The following PRR9 variants were observed in gnomAD, a reference collection of about 807,000 sequenced individuals.
The protein encoded by PRR9 is proline rich 9.
Under a neutral mutation model 2.6 loss-of-function variants are expected in PRR9, and 3 were observed. The ratio of observed to expected loss-of-function variants is 1.15; its 90% CI spans 0.53 to 2.98. The LOEUF is 2.98. Among genes scored for constraint, PRR9 ranks in the 30% most tolerant of loss-of-function variants. PRR9 has a pLI of 0.03. For synonymous variants in PRR9, 48 were observed against 50.4 expected (o/e 0.95, Z 0.20); for missense variants, 141 against 132.0 (o/e 1.07, Z -0.33).
chr1:153,217,785 A>T (rs1446924818), intron 1 of PRR9, among the ~76,000 whole-genome samples, 166 bp downstream of exon 1: 1 of 152,152 alleles, frequency 6.6e-6, no homozygotes, highest in Non-Finnish European at 1.5e-5. Context: ...GAATTTGCCT[A>T]TCTAGTCTAG....
At position 153,218,484 on chromosome 1, in the gene PRR9, A is replaced by G. The variant is rs1657972811; in HGVS notation, c.340A>G (p.Lys114Glu). ...CCAGGAGAAGTGCTCATCCCCTGGCAAGGGAAAGTAGCTGCTCATATGTCA... is the reference window on the plus strand; with the variant it reads ...CCAGGAGAAGTGCTCATCCCCTGGCGAGGGAAAGTAGCTGCTCATATGTCA... The part of the protein sequence containing the change: ...KVQEKCSSPG[K>E]GK The change falls in exon 2 of 2, where the codon AAG becomes GAG. Residue 114 changes from lysine to glutamate, a missense_variant. Physicochemically the swap from Lys to Glu is moderately conservative, Grantham distance 56. Coordinates refer to ENST00000368744, the MANE Select transcript of PRR9 (RefSeq NM_001195571.2). The G allele has an allele frequency of 6.5e-7, 1 of 1,549,438 alleles. No homozygotes were observed. The highest frequency in any genetic ancestry group is 2.0e-5 in the Admixed American group (1 of 50,948).
At position 153,218,639 on chromosome 1, in the gene PRR9, T is replaced by C. The variant is rs1242297593; in HGVS notation, c.*144T>C. 21 of 632,412 alleles carry C rather than the reference T, an allele frequency of 3.3e-5. No homozygotes were observed. Among genetic ancestry groups the C allele is most frequent in the Admixed American group, 2.9e-5 (1 of 34,210 alleles). The allele number at this position is 632,412 out of a possible 1,614,324, so 39.2% of individuals were successfully genotyped here. A position where few individuals can be genotyped will look rare whatever the true frequency, so the allele number is the denominator to read the frequency against. On this transcript the variant is annotated 3_prime_UTR_variant, in exon 2 of 2. Coordinates refer to ENST00000368744, the MANE Select transcript of PRR9 (RefSeq NM_001195571.2). ...CTGGCTTCCTTAGCATTCCAGGACT[T>C]GGTCTGTGTCTCTGAAGACAGTTCT...
chr1:153,217,983 A>G, intron 1 of PRR9, 142 bp from the exon 2 acceptor site: 1 of 636,644 alleles, frequency 1.6e-6, no homozygotes, highest in Non-Finnish European at 2.7e-6. Flanking sequence ...AGCAGCCAAG[A>G]AATTAGTTCT....
Position 153,218,486 on chromosome 1 carries a change from G to T in PRR9, c.342G>T (p.Lys114Asn). ...KVQEKCSSPG[K>N]GK Reference sequence around the variant, plus strand: ...AGGAGAAGTGCTCATCCCCTGGCAAGGGAAAGTAGCTGCTCATATGTCATC... The same window carrying T: ...AGGAGAAGTGCTCATCCCCTGGCAATGGAAAGTAGCTGCTCATATGTCATC... Residue 114 changes from lysine (K) to asparagine (N), a missense_variant, in exon 2 of 2, where the codon AAG becomes AAT. Transcript: ENST00000368744. 6.5e-7 allele frequency: 1 copy of T among 1,549,510 alleles called. No individual in the cohort carries two copies. Among genetic ancestry groups the T allele is most frequent in the Non-Finnish European group, 8.7e-7 (1 of 1,146,296 alleles).
Position 153,218,767 on chromosome 1 carries a change from C to G in PRR9, c.*272C>G, listed in dbSNP as rs76356890. The G allele has an allele frequency of 4.4e-3, 1,653 of 376,216 alleles. 22 individuals are homozygous for G. Among genetic ancestry groups the G allele is most frequent in the African/African-American group, 0.03 (1,447 of 48,672 alleles). The allele number at this position is 376,216 out of a possible 1,614,324, so 23.3% of individuals were successfully genotyped here. On this transcript the variant is annotated 3_prime_UTR_variant, in exon 2 of 2. Coordinates refer to ENST00000368744, the MANE Select transcript of PRR9 (RefSeq NM_001195571.2). ...TGGTTGTCAGGGAAGACCACAGAAG[C>G]CTAGCACAGCTTCCTTGGTGCAAAA...
chr1:153,218,504 A>G lies in PRR9; in HGVS notation c.*9A>G, dbSNP rs1330678122. 2 of 1,541,166 alleles carry G rather than the reference A, an allele frequency of 1.3e-6. No individual in the cohort carries two copies. The highest frequency in any genetic ancestry group is 1.2e-5 in the South Asian group (1 of 83,330). On this transcript the variant is annotated 3_prime_UTR_variant, in exon 2 of 2. Transcript: ENST00000368744. The stretch of plus-strand genomic sequence containing the variant: ...CTGGCAAGGGAAAGTAGCTGCTCAT[A>G]TGTCATCTGGGTTCAAGAAGATGGC...
Position 153,218,829 on chromosome 1 carries a change from C to T in PRR9, c.*334C>T, listed in dbSNP as rs762194781. The T allele has an allele frequency of 1.3e-5, 3 of 234,192 alleles. No homozygotes were observed. The highest frequency in any genetic ancestry group is 5.3e-5 in the Admixed American group (1 of 18,920). The allele number at this position is 234,192 out of a possible 1,614,324, so 14.5% of individuals were successfully genotyped here. A position where few individuals can be genotyped will look rare whatever the true frequency, so the allele number is the denominator to read the frequency against. On this transcript the variant is annotated 3_prime_UTR_variant, in exon 2 of 2. Coordinates refer to ENST00000368744, the MANE Select transcript of PRR9 (RefSeq NM_001195571.2). ...TCTGGGTGTGTAACAGCCAAGGATA[C>T]CTTCATTCATCTTTCAGAGTTTCAG... is the stretch of plus-strand genomic sequence containing the variant.
intron 1 of PRR9, among the ~76,000 whole-genome samples, chr1:153,217,890 A>C (rs1657957389): frequency 6.6e-6 from 1 of 152,204 alleles, no homozygotes; most frequent in South Asian, 2.1e-4. Flanking sequence ...GGATGTCTAG[A>C]CAGAGGCCAG....
chr1:153,218,560 C>A lies in PRR9; in HGVS notation c.*65C>A. ...GATGAAACCCTGACCCCAGCCCACG[C>A]TCTGGTGACCTTCTTCTGTGGGTAC... On this transcript the variant is annotated 3_prime_UTR_variant, in exon 2 of 2. Transcript: ENST00000368744. 8.5e-7 allele frequency: 1 copy of A among 1,173,408 alleles called. No individual in the cohort carries two copies. Among genetic ancestry groups the A allele is most frequent in the Non-Finnish European group, 1.2e-6 (1 of 828,004 alleles). 72.7% of individuals were successfully genotyped at this position (1,173,408 alleles called of 1,614,324 possible).
rs1571062147 is a variant in PRR9 at position 153,218,243 on chromosome 1, C to A, written c.99C>A (p.Cys33Ter). 1.3e-6 allele frequency: 2 copies of A among 1,550,640 alleles called. No homozygotes were observed. Among genetic ancestry groups the A allele is most frequent in the African/African-American group, 1.4e-5 (1 of 73,150 alleles). The change falls in exon 2 of 2, where the codon TGC becomes TGA. Residue 33 changes from cysteine to a stop codon, truncating the protein, a stop_gained. Coordinates refer to ENST00000368744, the MANE Select transcript of PRR9 (RefSeq NM_001195571.2). LOFTEE classifies it low-confidence loss of function (END_TRUNC). ...EQCQAKAEEV[C>*]LPTCQHPCQD... is the part of the protein sequence containing the mutation. ...GCCAAGCAAAGGCTGAGGAGGTGTG[C>A]CTCCCCACATGCCAGCACCCCTGCC...
At chr1:153,218,037 C>T (rs955754080) in intron 1 of PRR9, 88 bp from the exon 2 acceptor site, 1 of 855,294 alleles carries the variant, frequency 1.2e-6, no homozygotes, top group Non-Finnish European at 1.8e-6. Context: ...TCCATCCACT[C>T]CTCATTCCTC....
Position 153,218,264 on chromosome 1 carries a change from C to T in PRR9, c.120C>T (p.Pro40=). ...TGTGCCTCCCCACATGCCAGCACCCCTGCCAAGATAAGTGTCTAGTGCAGG... is the reference window on the plus strand; with the variant it reads ...TGTGCCTCCCCACATGCCAGCACCCTTGCCAAGATAAGTGTCTAGTGCAGG... ...EEVCLPTCQH[P]CQDKCLVQAQ... The change falls in exon 2 of 2, where the codon CCC becomes CCT. Residue 40 remains proline, a synonymous_variant. Coordinates refer to ENST00000368744, the MANE Select transcript of PRR9 (RefSeq NM_001195571.2). 6.4e-7 allele frequency: 1 copy of T among 1,550,638 alleles called. No homozygotes were observed. The highest frequency in any genetic ancestry group is 8.7e-7 in the Non-Finnish European group (1 of 1,147,004).
In PRR9 at chr1:153,218,713, G is replaced by A. The variant is rs887040946; in HGVS notation, c.*218G>A. ...GAATAAGCATTGTTCTCAGCAGTCT[G>A]ATGGAAGGTCTCAAATGTAGGAATG... On this transcript the variant is annotated 3_prime_UTR_variant, in exon 2 of 2. Transcript: ENST00000368744. 1 of 550,890 alleles carries A rather than the reference G, an allele frequency of 1.8e-6. No homozygotes were observed. Among genetic ancestry groups the A allele is most frequent in the African/African-American group, 1.9e-5 (1 of 52,798 alleles). The allele number at this position is 550,890 out of a possible 1,614,324, so 34.1% of individuals were successfully genotyped here. A position where few individuals can be genotyped will look rare whatever the true frequency, so the allele number is the denominator to read the frequency against.
Position 153,217,586 on chromosome 1 carries a change from T to A in PRR9, c.-54T>A, listed in dbSNP as rs2101684057. 6.5e-6 allele frequency: 1 copy of A among 153,422 alleles called. No homozygotes were observed. The highest frequency in any genetic ancestry group is 2.4e-5 in the African/African-American group (1 of 41,584). The allele number at this position is 153,422 out of a possible 1,614,324, so 9.5% of individuals were successfully genotyped here. On this transcript the variant is annotated 5_prime_UTR_variant, in exon 1 of 2. Transcript: ENST00000368744. Reference sequence around the variant, plus strand: ...AGTCCCACCTTGCTGGGCTTCACAGTCCACAGCCTTTGTTGAGTCTTGTTG... The same window carrying A: ...AGTCCCACCTTGCTGGGCTTCACAGACCACAGCCTTTGTTGAGTCTTGTTG...
At position 153,218,372 on chromosome 1, in the gene PRR9, A is replaced by G. The variant is rs1396899957; in HGVS notation, c.228A>G (p.Pro76=). 1.3e-5 allele frequency: 20 copies of G among 1,550,684 alleles called. No homozygotes were observed. In the South Asian group the frequency reaches 2.3e-4, roughly 18 times the overall value. The change falls in exon 2 of 2, where the codon CCA becomes CCG. Residue 76 remains proline (P), a synonymous_variant. Transcript: ENST00000368744. ...AAGGCCAAGAGCCATACCTACCTCC[A>G]TGCCAAGACCAGTGTCCACCTCAGT... is the stretch of plus-strand genomic sequence containing the variant. The part of the protein sequence containing the change: ...PQQGQEPYLP[P]CQDQCPPQCA...
chr1:153,218,550 C>A lies in PRR9; in HGVS notation c.*55C>A, dbSNP rs527512014. On this transcript the variant is annotated 3_prime_UTR_variant, in exon 2 of 2. Coordinates refer to ENST00000368744, the MANE Select transcript of PRR9 (RefSeq NM_001195571.2). The stretch of plus-strand genomic sequence containing the variant: ...ATGGCCAGCAGATGAAACCCTGACC[C>A]CAGCCCACGCTCTGGTGACCTTCTT... The A allele has an allele frequency of 2.2e-5, 29 of 1,301,986 alleles. No individual in the cohort carries two copies. In the African/African-American group the frequency reaches 4.1e-4, roughly 19 times the overall value. The allele number at this position is 1,301,986 out of a possible 1,614,324, so 80.7% of individuals were successfully genotyped here. A position where few individuals can be genotyped will look rare whatever the true frequency, so the allele number is the denominator to read the frequency against.
In PRR9 at chr1:153,218,460, CAGG is replaced by C; in HGVS notation, c.319_321del (p.Glu107del). On this transcript the variant is annotated inframe_deletion, in exon 2 of 2. Transcript: ENST00000368744. ...TGTGGAGGTTTGCCCACAGAAAGTC[CAGG>C]AGAAGTGCTCATCCCCTGGCAAGGG... 2 of 1,550,502 alleles carry C rather than the reference CAGG, an allele frequency of 1.3e-6. No individual in the cohort carries two copies. Among genetic ancestry groups the C allele is most frequent in the East Asian group, 2.4e-5 (1 of 40,916 alleles).
In PRR9 at chr1:153,218,811, G is replaced by A. The variant is rs144964467; in HGVS notation, c.*316G>A. On this transcript the variant is annotated 3_prime_UTR_variant, in exon 2 of 2. Coordinates refer to ENST00000368744, the MANE Select transcript of PRR9 (RefSeq NM_001195571.2). The stretch of plus-strand genomic sequence containing the variant: ...TGCAAAAATTCACCCAGCTCTGGGT[G>A]TGTAACAGCCAAGGATACCTTCATT... 1,611 of 274,854 alleles carry A rather than the reference G, an allele frequency of 5.9e-3. 6 individuals are homozygous for A. The highest frequency in any genetic ancestry group is 0.016 in the Middle Eastern group (13 of 832). 17.0% of individuals were successfully genotyped at this position (274,854 alleles called of 1,614,324 possible).
intron 1 of PRR9, 87 bp downstream of exon 1, chr1:153,217,706 T>C (rs542037262): frequency 6.0e-6 from 1 of 167,908 alleles, no homozygotes; most frequent in Admixed American, 5.8e-5. Flanking sequence ...CTGTACTTTC[T>C]ACTGATTTTT....
Sources: allele counts gnomAD v4.1 joint callset (sites outside exome capture counted in the v4.1 genomes callset), GRCh38; gene constraint gnomAD v4.1.1; transcripts MANE v1.5; gene names NCBI Gene and HGNC (gene_info 2026-07-23, HGNC 2026-07-21).